Variants in VWA3A observed in about 807,000 individuals in gnomAD.
VWA3A encodes the protein von Willebrand factor A domain-containing protein 3A.
In VWA3A, 134 loss-of-function variants were observed where a neutral mutation model predicts 160.4. The observed-to-expected ratio is 0.84, with a 90% CI of 0.73 to 0.96. The LOEUF (loss-of-function observed/expected upper bound fraction) is 0.96. Among genes scored for constraint, VWA3A ranks in the 40% least tolerant of loss-of-function variants. VWA3A has a pLI of 0.00. For missense variants in VWA3A, 1,310 were observed against 1,447.9 expected (o/e 0.90, Z 1.55); for synonymous variants, 476 against 543.4 (o/e 0.88, Z 1.72).
rs1278350630 is a variant in VWA3A, at chr16:22,142,725, T to C, written c.2552T>C (p.Ile851Thr). 1.3e-6 allele frequency: 2 copies of C among 1,576,030 alleles called. No homozygotes were observed. The highest frequency in any genetic ancestry group is 8.6e-7 in the Non-Finnish European group (1 of 1,159,924). The change falls in exon 25 of 34, where the codon ATT (isoleucine) becomes ACT (threonine). Residue 851 changes from isoleucine (I) to threonine (T), a missense_variant. Ile to Thr is a moderately conservative substitution (Grantham distance 89). Coordinates refer to ENST00000389398, the MANE Select transcript of VWA3A (RefSeq NM_173615.5). The stretch of plus-strand genomic sequence containing the variant: ...GGCTTGAGAAGGACTAGCTCTTCTA[T>C]TGACTTACCCAGAAAGGATACAGTT... ...GRGLRRTSSS[I>T]DLPRKDTVCS...
At chr16:22,102,945 C>T (rs577529835) in intron 5 of VWA3A, among the ~76,000 whole-genome samples, 72 of 152,318 alleles carry the variant, frequency 4.7e-4, no homozygotes, top group Non-Finnish European at 7.6e-4. Context: ...TCCACCAAAC[C>T]GTTGTCATTT....
chr16:22,100,540 T>C, intron 5 of VWA3A, 47 bp downstream of exon 5: 1 of 1,530,966 alleles, frequency 6.5e-7, no homozygotes, highest in South Asian at 1.2e-5. Context: ...AACTCAAGAA[T>C]TATGTCATTT....
intron 22 of VWA3A, 126 bp from the exon 23 acceptor site, chr16:22,140,028 G>A: frequency 3.5e-6 from 3 of 855,922 alleles, no homozygotes; most frequent in Non-Finnish European, 5.6e-6. Flanking sequence ...AAACCTGTCT[G>A]AGGAGTCCCC....
Position 22,152,620 on chromosome 16 carries a change from T to C in VWA3A, c.3391T>C (p.Phe1131Leu), listed in dbSNP as rs1352425473. 5 of 1,606,312 alleles carry C rather than the reference T, an allele frequency of 3.1e-6. No homozygotes were observed. The highest frequency in any genetic ancestry group is 2.2e-5 in the East Asian group (1 of 44,694). The change falls in exon 31 of 34, where the codon TTC becomes CTC. Residue 1131 changes from phenylalanine to leucine, a missense_variant. Coordinates refer to ENST00000389398, the MANE Select transcript of VWA3A (RefSeq NM_173615.5). ...SKIHSLLTKG[F>L]INEKDPTLPP... ...AATTCACAGCCTGCTGACCAAAGGC[T>C]TCATCAATGAAAAGGTAGGTTGCAG...
At chr16:22,120,331 T>C (rs967278230) in intron 12 of VWA3A, among the ~76,000 whole-genome samples, 1 of 152,214 alleles carries the variant, frequency 6.6e-6, no homozygotes, top group Non-Finnish European at 1.5e-5. Flanking sequence ...TTTTAAATGG[T>C]ATCTATTTAA....
At chr16:22,117,892 A>G (rs1161055375) in intron 11 of VWA3A, among the ~76,000 whole-genome samples, 1 of 152,192 alleles carries the variant, frequency 6.6e-6, no homozygotes, top group African/African-American at 2.4e-5. Context: ...ATACCTCATC[A>G]TCTAGACTCT....
At chr16:22,141,832 A>G in intron 24 of VWA3A, 140 bp downstream of exon 24, 1 of 644,740 alleles carries the variant, frequency 1.6e-6, no homozygotes, top group South Asian at 2.3e-5. Flanking sequence ...GCCGTACTCA[A>G]CTCAGTTCTC....
At chr16:22,120,858 A>C in intron 12 of VWA3A, 110 bp from the exon 13 acceptor site, 1 of 1,359,290 alleles carries the variant, frequency 7.4e-7, no homozygotes, top group East Asian at 2.5e-5. Flanking sequence ...TTAATCTACC[A>C]GGGAGTGTTT....
At position 22,120,975 on chromosome 16, in the gene VWA3A, C is replaced by G; in HGVS notation, c.1124C>G (p.Thr375Arg). 1 of 1,613,972 alleles carries G rather than the reference C, an allele frequency of 6.2e-7. No individual in the cohort carries two copies. Among genetic ancestry groups the G allele is most frequent in the Non-Finnish European group, 8.5e-7 (1 of 1,179,872 alleles). ...ALTCTMEEIS[T>R]EITNGPLISL... ...CTTTCTCATTTAACTTAGATTTCCA[C>G]AGAGATTACAAATGGGCCACTCATA... The change falls in exon 13 of 34, where the codon ACA becomes AGA. Residue 375 changes from threonine to arginine, a missense_variant. Thr to Arg is a moderately conservative substitution (Grantham distance 71). Transcript: ENST00000389398.
chr16:22,133,649 CAAA>C (rs1230000179), intron 20 of VWA3A, among the ~76,000 whole-genome samples: 1 of 82,070 alleles, frequency 1.2e-5, no homozygotes, highest in Admixed American at 1.4e-4. Context: ...AACTCTGTCT[CAAA>C]AAAAAAAAAA....
chr16:22,111,274 A>T (rs2045548450), intron 8 of VWA3A, among the ~76,000 whole-genome samples: 1 of 152,214 alleles, frequency 6.6e-6, no homozygotes, highest in Admixed American at 6.5e-5. Context: ...CATGTTTTTT[A>T]AAAATTCCAA....
At chr16:22,121,394 T>C (rs1319499659) in intron 13 of VWA3A, 120 bp from the exon 14 acceptor site, 3 of 862,270 alleles carry the variant, frequency 3.5e-6, no homozygotes, top group African/African-American at 3.3e-5. Context: ...CAGTGAGTTA[T>C]GATTGTGCCA....
chr16:22,151,593 C>T (rs147523493), intron 30 of VWA3A, among the ~76,000 whole-genome samples: 51 of 152,200 alleles, frequency 3.4e-4, no homozygotes, highest in African/African-American at 1.2e-3. Context: ...GTGCTATGAC[C>T]GGGCACAATG....
chr16:22,131,822 T>C, intron 19 of VWA3A, 93 bp downstream of exon 19: 1 of 1,473,442 alleles, frequency 6.8e-7, no homozygotes, highest in Non-Finnish European at 9.1e-7. Context: ...TGCAGCATGA[T>C]TTCTAAACCA....
At chr16:22,122,321 A>G (rs1023787618) in intron 14 of VWA3A, among the ~76,000 whole-genome samples, 1 of 151,954 alleles carries the variant, frequency 6.6e-6, no homozygotes, top group Non-Finnish European at 1.5e-5. Flanking sequence ...GCATGGATGG[A>G]TGGATGCATG....
intron 28 of VWA3A, 92 bp downstream of exon 28, chr16:22,148,398 C>A: frequency 6.9e-7 from 1 of 1,456,418 alleles, no homozygotes; most frequent in South Asian, 1.4e-5. Flanking sequence ...GCCAACAGGC[C>A]TGGAGTTTCT....
At chr16:22,123,009 T>TGGTGCA (rs1349275754) in intron 14 of VWA3A, 76 bp from the exon 15 acceptor site, 1 of 1,302,902 alleles carries the variant, frequency 7.7e-7, no homozygotes, top group Non-Finnish European at 1.1e-6. Flanking sequence ...GCACCTGATT[T>TGGTGCA]GGAGAACCAG....
chr16:22,102,072 C>A (rs2045415210), intron 5 of VWA3A, among the ~76,000 whole-genome samples: 1 of 152,168 alleles, frequency 6.6e-6, no homozygotes, highest in African/African-American at 2.4e-5. Flanking sequence ...AGCTCATCTT[C>A]AGCTGGGCAC....
At chr16:22,094,498 GTC>G (rs1013139167) in intron 1 of VWA3A, among the ~76,000 whole-genome samples, 2 of 151,980 alleles carry the variant, frequency 1.3e-5, no homozygotes, top group African/African-American at 4.8e-5. Context: ...TTTATTCAGA[GTC>G]TCTCACTTGC....
Sources: allele counts gnomAD v4.1 joint callset (sites outside exome capture counted in the v4.1 genomes callset), GRCh38; gene constraint gnomAD v4.1.1; transcripts MANE v1.5; gene names NCBI Gene and HGNC (gene_info 2026-07-23, HGNC 2026-07-21).